CACNA1C: variants seen among roughly 807,000 people sequenced by gnomAD.
CACNA1C encodes the protein calcium voltage-gated channel subunit alpha1 C.
CACNA1C carries 30 observed loss-of-function variants against 229.0 expected under a neutral mutation model. The observed-to-expected ratio is 0.13, with a 90% CI of 0.10 to 0.18. The LOEUF is 0.18. Among genes scored for constraint, CACNA1C ranks in the 10% least tolerant of loss-of-function variants. The pLI, the probability that CACNA1C is intolerant of heterozygous loss-of-function variation, is 1.00. For synonymous variants in CACNA1C, 1,114 were observed against 1,132.5 expected (o/e 0.98, Z 0.33); for missense variants, 1,658 against 2,845.0 (o/e 0.58, Z 9.49).
chr12:2,385,388 A>G (rs1594856609), intron 3 of CACNA1C, among the ~76,000 whole-genome samples: 2 of 151,484 alleles, frequency 1.3e-5, no homozygotes, highest in Non-Finnish European at 2.9e-5. Context: ...AAAAAAAATG[A>G]GGTGATCAGA....
At chr12:2,425,003 A>C (rs1025475916) in intron 3 of CACNA1C, among the ~76,000 whole-genome samples, 2 of 152,262 alleles carry the variant, frequency 1.3e-5, no homozygotes, top group African/African-American at 4.8e-5. Context: ...GTGGGAGGGA[A>C]GGAGAGTCCA....
At chr12:2,205,060 A>G (rs535338725) in intron 3 of CACNA1C, among the ~76,000 whole-genome samples, 6 of 152,016 alleles carry the variant, frequency 3.9e-5, no homozygotes, top group Non-Finnish European at 8.8e-5. Context: ...GGTCTTGGCC[A>G]CATGTGTGGG....
chr12:2,684,159 A>G (rs1162941719), intron 43 of CACNA1C, among the ~76,000 whole-genome samples: 1 of 152,198 alleles, frequency 6.6e-6, no homozygotes, highest in East Asian at 1.9e-4. Context: ...CTGCTCGGGA[A>G]CTGGATGGGA....
chr12:2,260,292 A>C (rs541155776), intron 3 of CACNA1C, among the ~76,000 whole-genome samples: 1 of 152,050 alleles, frequency 6.6e-6, no homozygotes, highest in Non-Finnish European at 1.5e-5. Flanking sequence ...CCTGGGCAAG[A>C]TGGTGGGACC....
intron 3 of CACNA1C, among the ~76,000 whole-genome samples, chr12:2,138,440 A>G (rs1001882968): frequency 2.0e-5 from 3 of 151,004 alleles, no homozygotes; most frequent in Non-Finnish European, 4.4e-5. Flanking sequence ...CGCAGCTCAC[A>G]GTGTGGAGGT....
At chr12:2,002,073 CATA>C (rs1393737996) in intron 1 of CACNA1C, among the ~76,000 whole-genome samples, 7 of 152,316 alleles carry the variant, frequency 4.6e-5, no homozygotes, top group African/African-American at 1.7e-4. Context: ...CCAGTCATCA[CATA>C]ATCTTTCTTA....
chr12:2,074,317 T>A (rs1025264953), intron 1 of CACNA1C, among the ~76,000 whole-genome samples: 1 of 152,230 alleles, frequency 6.6e-6, no homozygotes, highest in African/African-American at 2.4e-5. Context: ...CAAATAATAC[T>A]TTATAGTTTT....
chr12:2,161,564 G>A (rs79039616), intron 3 of CACNA1C, among the ~76,000 whole-genome samples: 2,661 of 152,296 alleles, frequency 0.017, 65 homozygotes, highest in African/African-American at 0.059. Context: ...CAAGGCAAAC[G>A]AATCTAGAGG....
intron 39 of CACNA1C, chr12:2,675,877 C>T (rs181810619): frequency 6.6e-6 from 1 of 152,318 alleles, no homozygotes; most frequent in East Asian, 1.9e-4. Flanking sequence ...AGTACCCCGA[C>T]AACTAAAAAC....
chr12:2,500,199 G>C (rs570632721), intron 7 of CACNA1C, among the ~76,000 whole-genome samples: 1 of 152,172 alleles, frequency 6.6e-6, no homozygotes, highest in Non-Finnish European at 1.5e-5. Flanking sequence ...GCCCAGGGGG[G>C]ACCAAAGCAG....
At chr12:2,082,497 C>T (rs1250648455) in intron 1 of CACNA1C, among the ~76,000 whole-genome samples, 1 of 152,130 alleles carries the variant, frequency 6.6e-6, no homozygotes, top group Non-Finnish European at 1.5e-5. Flanking sequence ...TCAGACAACA[C>T]CCCCCGCATG....
At chr12:2,296,243 G>C (rs1303283559) in intron 3 of CACNA1C, among the ~76,000 whole-genome samples, 1 of 152,202 alleles carries the variant, frequency 6.6e-6, no homozygotes, top group Non-Finnish European at 1.5e-5. Flanking sequence ...AGCAGTCTGT[G>C]GGCTGCAAAT....
chr12:2,036,121 G>A (rs1320437489), intron 1 of CACNA1C, among the ~76,000 whole-genome samples: 1 of 152,222 alleles, frequency 6.6e-6, no homozygotes, highest in South Asian at 2.1e-4. Flanking sequence ...GACAAGTGCT[G>A]CATTGGTATC....
intron 1 of CACNA1C, among the ~76,000 whole-genome samples, chr12:2,026,880 A>G (rs900994496): frequency 1.3e-5 from 2 of 152,246 alleles, no homozygotes; most frequent in Non-Finnish European, 1.5e-5. Flanking sequence ...AGTACACAGT[A>G]TACATTCTTG....
intron 30 of CACNA1C, among the ~76,000 whole-genome samples, chr12:2,635,594 G>A (rs867974272): frequency 1.4e-5 from 2 of 142,792 alleles, no homozygotes; most frequent in African/African-American, 2.6e-5. Flanking sequence ...TTACACTGCC[G>A]TGTTATCTTG....
chr12:2,122,811 T>G (rs188254404), intron 3 of CACNA1C, among the ~76,000 whole-genome samples: 5 of 152,314 alleles, frequency 3.3e-5, no homozygotes, highest in Admixed American at 3.3e-4. Context: ...GGCCCCATAT[T>G]TCCCGCATTG....
chr12:2,435,653 C>A (rs1440631043), intron 3 of CACNA1C, among the ~76,000 whole-genome samples: 1 of 152,216 alleles, frequency 6.6e-6, no homozygotes. Flanking sequence ...TCAACCATGA[C>A]ATGCTGCAGG....
intron 3 of CACNA1C, among the ~76,000 whole-genome samples, chr12:2,141,903 C>T (rs1429100584): frequency 2.0e-5 from 3 of 151,276 alleles, no homozygotes; most frequent in African/African-American, 7.3e-5. Context: ...CATAATAACC[C>T]AGCCTGCATG....
At chr12:2,247,702 T>A (rs550743875) in intron 3 of CACNA1C, among the ~76,000 whole-genome samples, 6 of 152,334 alleles carry the variant, frequency 3.9e-5, no homozygotes, top group Admixed American at 3.9e-4. Context: ...ACCTTCTAGG[T>A]CTTTAATCAC....
Sources: gnomAD v4.1 joint callset for allele counts (sites outside exome capture counted in the v4.1 genomes callset) on GRCh38, gnomAD v4.1.1 for gene constraint, MANE v1.5 for transcripts, NCBI Gene and HGNC (gene_info 2026-07-23, HGNC 2026-07-21) for gene names.